TRPM3: variants seen among roughly 807,000 people sequenced by gnomAD.
The protein encoded by TRPM3 is transient receptor potential cation channel subfamily M member 3.
TRPM3 carries 77 observed loss-of-function variants against 181.2 expected under a neutral mutation model. The ratio of observed to expected loss-of-function variants is 0.42; its 90% confidence interval spans 0.35 to 0.51. The LOEUF is 0.51. Ranked by LOEUF, TRPM3 falls within the 20% of genes least tolerant of loss-of-function variation. TRPM3 has a pLI of 0.01. For synonymous variants in TRPM3, 745 were observed against 796.4 expected, an observed-to-expected ratio of 0.94 and a Z score of 1.09; for missense variants, 1,759 against 2,196.7, an observed-to-expected ratio of 0.80 and a Z score of 3.98.
intron 1 of TRPM3, among the ~76,000 whole-genome samples, chr9:71,234,223 G>T (rs2081235668): frequency 6.6e-6 from 1 of 152,130 alleles, no homozygotes; most frequent in African/African-American, 2.4e-5. Flanking sequence ...CATGGCAGTT[G>T]GTTTCTCCAG....
intron 11 of TRPM3, among the ~76,000 whole-genome samples, chr9:70,638,308 T>C (rs2057538257): frequency 6.6e-6 from 1 of 152,188 alleles, no homozygotes; most frequent in Non-Finnish European, 1.5e-5. Context: ...TTTCTGTTGT[T>C]TATAAATTAC....
intron 1 of TRPM3, among the ~76,000 whole-genome samples, chr9:71,261,065 G>C (rs989230050): frequency 5.3e-5 from 8 of 152,066 alleles, no homozygotes; most frequent in Non-Finnish European, 1.2e-4. Flanking sequence ...GCTAGGTTGG[G>C]GAAGTTCTCC....
intron 19 of TRPM3, among the ~76,000 whole-genome samples, chr9:70,605,960 AT>A (rs1452294899): frequency 6.6e-6 from 1 of 152,054 alleles, no homozygotes; most frequent in East Asian, 1.9e-4. Flanking sequence ...CCTTAAACCT[AT>A]TTTAATGCTT....
Position 71,093,691 on chromosome 9 carries a change from G to T in TRPM3, c.177+27487C>A, listed in dbSNP as rs555237650. Among the ~76,000 whole-genome samples, 68 of 152,218 alleles carry T rather than the reference G, an allele frequency of 4.5e-4. 2 individuals carry two copies. Among genetic ancestry groups the T allele is most frequent in the African/African-American group, 1.6e-3 (65 of 41,526 alleles). On this transcript the variant is annotated intron_variant, in intron 1 of 25. Transcript: ENST00000677713. ...GAAGACAGTGTGGCGATTCCTCGAG[G>T]ATCTAGAACCAGAAATACCATTTGA...
At chr9:71,292,530 T>C (rs2085904027) in intron 1 of TRPM3, among the ~76,000 whole-genome samples, 1 of 151,942 alleles carries the variant, frequency 6.6e-6, no homozygotes, top group African/African-American at 2.4e-5. Context: ...AGAACATTCT[T>C]AGAAATGTGT....
At chr9:71,345,193 G>A (rs1393139988) in intron 1 of TRPM3, among the ~76,000 whole-genome samples, 1 of 152,108 alleles carries the variant, frequency 6.6e-6, no homozygotes, top group African/African-American at 2.4e-5. Context: ...GATTCCTCAA[G>A]GATCTACAAT....
intron 1 of TRPM3, among the ~76,000 whole-genome samples, chr9:71,101,326 A>C (rs1169826850): frequency 2.6e-5 from 4 of 152,158 alleles, no homozygotes; most frequent in Non-Finnish European, 5.9e-5. Context: ...GATCAAACAA[A>C]TCACTCAACC....
chr9:71,205,716 C>G (rs1383892023), intron 1 of TRPM3, among the ~76,000 whole-genome samples: 3 of 152,186 alleles, frequency 2.0e-5, no homozygotes, highest in African/African-American at 7.2e-5. Context: ...GAAGTAATTA[C>G]TCATTCTTCC....
At chr9:70,775,819 T>A (rs891918485) in intron 7 of TRPM3, 1 of 152,002 alleles carries the variant, frequency 6.6e-6, no homozygotes, top group Non-Finnish European at 1.5e-5. Flanking sequence ...CCTCTTATTT[T>A]AAAAAATGCA....
intron 1 of TRPM3, among the ~76,000 whole-genome samples, chr9:71,432,703 T>A (rs1175197376): frequency 1.3e-5 from 2 of 152,226 alleles, no homozygotes; most frequent in African/African-American, 4.8e-5. Flanking sequence ...TTAAAGTTTA[T>A]CTTTTTGTTC....
intron 6 of TRPM3, among the ~76,000 whole-genome samples, chr9:70,819,425 C>T (rs943127600): frequency 1.3e-5 from 2 of 152,128 alleles, no homozygotes; most frequent in African/African-American, 2.4e-5. Context: ...ATCCAGCAAT[C>T]CTTTCTGCTA....
At chr9:71,270,031 C>T (rs749638191) in intron 1 of TRPM3, among the ~76,000 whole-genome samples, 16 of 152,078 alleles carry the variant, frequency 1.1e-4, no homozygotes, top group Admixed American at 3.3e-4. Context: ...AGGTCATATC[C>T]GGTTCTTTTC....
chr9:71,127,844 C>T (rs1349039241), intron 1 of TRPM3, among the ~76,000 whole-genome samples: 1 of 152,126 alleles, frequency 6.6e-6, no homozygotes. Context: ...TCTTATCATG[C>T]TTTAGTGCCT....
intron 1 of TRPM3, among the ~76,000 whole-genome samples, chr9:70,971,972 C>T (rs193044665): frequency 1.3e-5 from 2 of 152,238 alleles, no homozygotes; most frequent in South Asian, 2.1e-4. Context: ...ACACTGCAAC[C>T]TTCAAACACT....
intron 1 of TRPM3, among the ~76,000 whole-genome samples, chr9:71,119,460 G>A (rs2073146883): frequency 6.6e-6 from 1 of 151,436 alleles, no homozygotes; most frequent in South Asian, 2.1e-4. Flanking sequence ...TAAAAAGACA[G>A]AGCTTCTTCT....
intron 1 of TRPM3, among the ~76,000 whole-genome samples, chr9:71,303,635 G>T (rs147638855): frequency 7.1e-4 from 108 of 152,300 alleles, no homozygotes; most frequent in Non-Finnish European, 1.2e-3. Context: ...ACAGAGGAGA[G>T]AAATCCTGTA....
intron 1 of TRPM3, among the ~76,000 whole-genome samples, chr9:70,884,204 G>C (rs1018405577): frequency 6.6e-6 from 1 of 152,160 alleles, no homozygotes. Flanking sequence ...AACTCCTCAA[G>C]TTGCTTTTTT....
At chr9:70,878,651 A>C (rs904450514) in intron 1 of TRPM3, among the ~76,000 whole-genome samples, 4 of 152,110 alleles carry the variant, frequency 2.6e-5, no homozygotes, top group African/African-American at 9.7e-5. Flanking sequence ...TGTGGCAACA[A>C]CAAATTGCCA....
chr9:70,830,121 G>A (rs149367048), intron 5 of TRPM3, among the ~76,000 whole-genome samples: 210 of 152,266 alleles, frequency 1.4e-3, no homozygotes, highest in African/African-American at 5.0e-3. Context: ...GTGGGTTTTC[G>A]AGAGGTTAAA....
Sources: allele counts gnomAD v4.1 joint callset (sites outside exome capture counted in the v4.1 genomes callset), GRCh38; gene constraint gnomAD v4.1.1; transcripts MANE v1.5; gene names NCBI Gene and HGNC (gene_info 2026-07-23, HGNC 2026-07-21).